ESRRG: variants seen among roughly 807,000 people sequenced by gnomAD.
ESRRG encodes estrogen-related receptor gamma.
ESRRG carries 13 observed loss-of-function variants against 44.0 expected under a neutral mutation model. That is an observed-to-expected ratio of 0.30 (90% CI 0.19 to 0.47). The LOEUF (loss-of-function observed/expected upper bound fraction) is 0.47, where lower values mean the gene tolerates loss of function less well. Ranked by LOEUF, ESRRG falls within the 20% of genes least tolerant of loss-of-function variation. The pLI is 1.00. For missense variants in ESRRG, 395 were observed against 580.6 expected (o/e 0.68, Z 3.29); for synonymous variants, 215 against 214.6 (o/e 1.00, Z -0.02).
At chr1:216,736,712 C>G (rs1361333) in intron 2 of ESRRG, among the ~76,000 whole-genome samples, 135,787 of 152,006 alleles carry the variant, frequency 0.89, 61,161 homozygotes, top group South Asian at 0.96. Context: ...AGAGATTCCA[C>G]ACCAGCAGAA....
intron 2 of ESRRG, among the ~76,000 whole-genome samples, chr1:216,818,730 C>T (rs1053108792): frequency 6.6e-6 from 1 of 152,070 alleles, no homozygotes; most frequent in Non-Finnish European, 1.5e-5. Context: ...TTAAGCCCAG[C>T]AACTATTAGC....
chr1:217,131,483 C>T (rs2092965586), intron 1 of ESRRG, among the ~76,000 whole-genome samples: 1 of 152,214 alleles, frequency 6.6e-6, no homozygotes, highest in Admixed American at 6.5e-5. Flanking sequence ...TCCTGTCCCA[C>T]AGAATCCAAA....
chr1:216,759,514 TA>T (rs2152333723), intron 2 of ESRRG, among the ~76,000 whole-genome samples: 1 of 152,216 alleles, frequency 6.6e-6, no homozygotes, highest in Non-Finnish European at 1.5e-5. Context: ...TTTTGATTTT[TA>T]AAACCCTTTT....
chr1:217,037,449 A>G (rs2083100472), intron 1 of ESRRG, among the ~76,000 whole-genome samples: 1 of 152,140 alleles, frequency 6.6e-6, no homozygotes, highest in Non-Finnish European at 1.5e-5. Flanking sequence ...CATTTTCAAA[A>G]CCATCAGATC....
At chr1:216,553,863 C>T (rs2149416011) in intron 5 of ESRRG, among the ~76,000 whole-genome samples, 1 of 151,962 alleles carries the variant, frequency 6.6e-6, no homozygotes, top group Non-Finnish European at 1.5e-5. Context: ...TGGACTACTC[C>T]AGAAATCAAA....
intron 3 of ESRRG, among the ~76,000 whole-genome samples, chr1:216,635,460 T>A (rs2065101635): frequency 6.6e-6 from 1 of 152,204 alleles, no homozygotes. Flanking sequence ...TCTTCACCTA[T>A]AATATACCTT....
At chr1:216,884,811 C>T (rs2149346668) in intron 2 of ESRRG, among the ~76,000 whole-genome samples, 1 of 152,298 alleles carries the variant, frequency 6.6e-6, no homozygotes, top group East Asian at 1.9e-4. Context: ...TAAATAATTT[C>T]TTAATAAATT....
chr1:217,131,462 AGAGG>A (rs2092965339), intron 1 of ESRRG, among the ~76,000 whole-genome samples: 1 of 152,246 alleles, frequency 6.6e-6, no homozygotes, highest in African/African-American at 2.4e-5. Context: ...GGAGAATTGA[AGAGG>A]GAGTAATCCT....
At chr1:216,915,911 G>C (rs939787915) in intron 2 of ESRRG, among the ~76,000 whole-genome samples, 3 of 152,174 alleles carry the variant, frequency 2.0e-5, no homozygotes, top group Non-Finnish European at 4.4e-5. Context: ...CAGTGTGACA[G>C]TTCACATCCA....
intron 1 of ESRRG, among the ~76,000 whole-genome samples, chr1:216,966,514 C>A (rs1560291940): frequency 6.6e-6 from 1 of 152,142 alleles, no homozygotes; most frequent in East Asian, 1.9e-4. Context: ...AAACTAGCCA[C>A]ACTACTAGGA....
intron 1 of ESRRG, among the ~76,000 whole-genome samples, chr1:216,953,176 A>G (rs748960265): frequency 1.3e-5 from 2 of 152,278 alleles, no homozygotes; most frequent in Non-Finnish European, 2.9e-5. Flanking sequence ...ACACGTAATA[A>G]TTATCCATCC....
chr1:217,011,439 T>C (rs2078597297), intron 1 of ESRRG, among the ~76,000 whole-genome samples: 1 of 152,224 alleles, frequency 6.6e-6, no homozygotes, highest in Admixed American at 6.5e-5. Context: ...AGCTGAATCA[T>C]TGCACTGGCT....
chr1:216,834,689 T>C (rs1026559030), intron 2 of ESRRG, among the ~76,000 whole-genome samples: 2 of 152,140 alleles, frequency 1.3e-5, no homozygotes, highest in Non-Finnish European at 2.9e-5. Flanking sequence ...GAATGTACAA[T>C]TGGGTATCGC....
At chr1:216,804,724 G>A (rs1215185413) in intron 2 of ESRRG, among the ~76,000 whole-genome samples, 1 of 151,646 alleles carries the variant, frequency 6.6e-6, no homozygotes, top group East Asian at 1.9e-4. Flanking sequence ...TTCCTTTGAG[G>A]GAGTGATAAA....
chr1:217,023,587 A>T (rs544625287), intron 1 of ESRRG, among the ~76,000 whole-genome samples: 1 of 152,302 alleles, frequency 6.6e-6, no homozygotes, highest in African/African-American at 2.4e-5. Flanking sequence ...TTTATATAAC[A>T]TTAGCTGCAA....
At position 216,568,040 on chromosome 1, in the gene ESRRG, C is replaced by T. The variant is rs376003612; in HGVS notation, c.648G>A (p.Ala216=). The change falls in exon 4 of 7, where the codon GCG becomes GCA. Residue 216 remains alanine (A), a synonymous_variant. Transcript: ENST00000408911. Reference sequence around the variant, plus strand: ...GAGGGTTCAGGTATGGGCTGTTCTCCGCATCTATCCTGCGCTTGTACTTCT... The same window carrying T: ...GAGGGTTCAGGTATGGGCTGTTCTCTGCATCTATCCTGCGCTTGTACTTCT... ...GRQKYKRRID[A]ENSPYLNPQL... 16 of 1,613,742 alleles carry T rather than the reference C, an allele frequency of 9.9e-6. No homozygotes were observed. Among genetic ancestry groups the T allele is most frequent in the African/African-American group, 2.7e-5 (2 of 74,890 alleles).
At chr1:216,893,569 T>G (rs549062227) in intron 2 of ESRRG, among the ~76,000 whole-genome samples, 22 of 152,316 alleles carry the variant, frequency 1.4e-4, no homozygotes, top group African/African-American at 5.0e-4. Flanking sequence ...TGGCAAGCAG[T>G]AAGCCATCAA....
At chr1:216,842,410 G>A (rs1373247071) in intron 2 of ESRRG, among the ~76,000 whole-genome samples, 1 of 152,256 alleles carries the variant, frequency 6.6e-6, no homozygotes, top group East Asian at 1.9e-4. Context: ...GGAAAGAAGG[G>A]CACACTGAAG....
At chr1:216,548,672 C>G (rs949266895) in intron 5 of ESRRG, among the ~76,000 whole-genome samples, 4 of 152,118 alleles carry the variant, frequency 2.6e-5, no homozygotes, top group East Asian at 3.9e-4. Context: ...GTTAGAGTTT[C>G]CACCATGGTA....
Sources: allele counts gnomAD v4.1 joint callset (sites outside exome capture counted in the v4.1 genomes callset), GRCh38; gene constraint gnomAD v4.1.1; transcripts MANE v1.5; gene names NCBI Gene and HGNC (gene_info 2026-07-23, HGNC 2026-07-21).